PCDH20: variants seen among roughly 807,000 people sequenced by gnomAD.
PCDH20 encodes the protein protocadherin 20.
In PCDH20, 18 loss-of-function variants were observed where a neutral mutation model predicts 39.7. The observed-to-expected ratio is 0.45, with a 90% confidence interval of 0.31 to 0.67. The LOEUF is 0.67. Ranked by LOEUF, PCDH20 falls within the 30% of genes least tolerant of loss-of-function variation. The probability of loss-of-function intolerance (pLI) is 0.05; values close to 1 mark genes in which losing one functional copy is unlikely to be tolerated. For missense variants in PCDH20, 1,161 were observed against 1,167.4 expected (o/e 0.99, Z 0.08); for synonymous variants, 495 against 455.4 (o/e 1.09, Z -1.11).
intron 1 of PCDH20, 23 bp downstream of exon 1, chr13:61,415,004 G>A: frequency 1.4e-6 from 2 of 1,398,228 alleles, no homozygotes; most frequent in Non-Finnish European, 1.9e-6. Flanking sequence ...GGGGTCGCGG[G>A]GTTCCTTGAC....
Position 61,413,976 on chromosome 13 carries a change from G to C in PCDH20, c.133-10C>G. 2.5e-6 allele frequency: 4 copies of C among 1,594,114 alleles called. No individual in the cohort carries two copies. The highest frequency in any genetic ancestry group is 3.4e-6 in the Non-Finnish European group (4 of 1,166,514). On this transcript the variant is annotated splice_polypyrimidine_tract_variant and intron_variant, in intron 1 of 1. Transcript: ENST00000409204. The stretch of plus-strand genomic sequence containing the variant: ...AAAACAGAAACAGATGCTGGAGTTG[G>C]GGGAGGGAAGAAAGCTCATTACACA...
At chr13:61,415,283 A>G (rs867949394) in exon 1 of PCDH20, 1 of 1,179,036 alleles carries the variant, frequency 8.5e-7, no homozygotes, top group Non-Finnish European at 1.1e-6. Flanking sequence ...TAAGGACGGG[A>G]ACTCAAAGAG....
exon 2 of PCDH20, chr13:61,411,065 G>T (rs753108821): frequency 1.8e-3 from 940 of 519,498 alleles, no homozygotes; most frequent in Non-Finnish European, 1.9e-3. Flanking sequence ...TAAAAATGCT[G>T]TACACATTTT....
exon 2 of PCDH20, chr13:61,413,901 G>C: frequency 6.2e-7 from 1 of 1,613,610 alleles, no homozygotes; most frequent in Non-Finnish European, 8.5e-7. Context: ...ACAGAAGCTC[G>C]GTGGCCCGGC....
intron 1 of PCDH20, 126 bp downstream of exon 1, chr13:61,414,901 T>A: frequency 8.5e-7 from 1 of 1,175,770 alleles, no homozygotes; most frequent in Non-Finnish European, 1.1e-6. Context: ...TCCCTTTCCC[T>A]CCCGGCGCCA....
chr13:61,412,185 C>T, exon 2 of PCDH20: 1 of 1,614,162 alleles, frequency 6.2e-7, no homozygotes, highest in Non-Finnish European at 8.5e-7. Context: ...TGTTGATAAA[C>T]CGAGGACTGT....
chr13:61,411,535 C>G, exon 2 of PCDH20: 1 of 1,614,184 alleles, frequency 6.2e-7, no homozygotes, highest in Middle Eastern at 1.6e-4. Context: ...TCTTAAAAGA[C>G]TCTCAATGTA....
chr13:61,413,535 T>C lies in PCDH20; in HGVS notation c.564A>G (p.Glu188=), dbSNP rs1310788425. ...TCTTCACCTTCACAAACCTGAAGTA[T>C]TCCTGAGGCAGGACAAGCACATCCA... Residue 188 remains glutamate (E), a synonymous_variant, in exon 2 of 2, where the codon GAA becomes GAG. Coordinates refer to ENST00000409204, the Ensembl canonical transcript of PCDH20. 1.9e-6 allele frequency: 3 copies of C among 1,613,824 alleles called. 1 individual carries two copies. In the South Asian group the frequency reaches 3.3e-5, roughly 18 times the overall value.
rs555732920 is a variant in PCDH20 at position 61,412,917 on chromosome 13, G to A, written c.1182C>T (p.His394=). ...GTCCATTAGCAAGGATGGTGAGCTT[G>A]TGGGACTCCAGAACACTTCCTCCAA... is the stretch of plus-strand genomic sequence containing the variant. Residue 394 remains histidine (H), a synonymous_variant, in exon 2 of 2, where the codon CAC becomes CAT. Coordinates refer to ENST00000409204, the Ensembl canonical transcript of PCDH20. The A allele has an allele frequency of 8.7e-6, 14 of 1,614,186 alleles. No individual in the cohort carries two copies. In the South Asian group the frequency reaches 1.2e-4, roughly 14 times the overall value.
Position 61,415,218 on chromosome 13 carries a change from T to C in PCDH20, c.-60A>G, listed in dbSNP as rs940009823. The C allele has an allele frequency of 3.7e-5, 48 of 1,302,990 alleles. 2 individuals carry two copies. The South Asian group carries it at 9.4e-4, about 26-fold the overall frequency. The allele number at this position is 1,302,990 out of a possible 1,614,324, so 80.7% of individuals were successfully genotyped here. A position where few individuals can be genotyped will look rare whatever the true frequency, so the allele number is the denominator to read the frequency against. ...GGAGGGCGGCAGAAGACACTCCCTC[T>C]CGGTTCATGCAAATCGCTGGGGGAA... is the stretch of plus-strand genomic sequence containing the variant. On this transcript the variant is annotated 5_prime_UTR_variant, in exon 1 of 2. Coordinates refer to ENST00000409204, the Ensembl canonical transcript of PCDH20.
exon 2 of PCDH20, chr13:61,413,675 T>C (rs1433588776): frequency 1.2e-6 from 2 of 1,614,052 alleles, no homozygotes; most frequent in Non-Finnish European, 1.7e-6. Context: ...TGAGCTGAAG[T>C]GTGCAGCTCC....
exon 1 of PCDH20, chr13:61,415,307 A>G: frequency 1.1e-6 from 1 of 946,596 alleles, no homozygotes; most frequent in South Asian, 3.1e-5. Flanking sequence ...CAGAAAGGCA[A>G]GAGGGCAGAA....
chr13:61,411,429 T>A, exon 2 of PCDH20: 1 of 1,614,140 alleles, frequency 6.2e-7, no homozygotes, highest in South Asian at 1.1e-5. Flanking sequence ...ACAGAGCTAC[T>A]AAGGTGGGCA....
upstream of PCDH20, chr13:61,415,832 A>G (rs149446764): frequency 4.7e-3 from 715 of 152,340 alleles, 2 homozygotes; most frequent in Non-Finnish European, 8.1e-3. Flanking sequence ...TTGGAGGCTC[A>G]AATGTCTCTG....
At chr13:61,413,005 T>G in exon 2 of PCDH20, 1 of 1,614,192 alleles carries the variant, frequency 6.2e-7, no homozygotes, top group Non-Finnish European at 8.5e-7. Flanking sequence ...CTTAGATGCT[T>G]GTGGAACTTT....
exon 2 of PCDH20, chr13:61,412,633 A>G: frequency 3.1e-6 from 5 of 1,614,154 alleles, no homozygotes; most frequent in Non-Finnish European, 2.5e-6. Flanking sequence ...TGTGGTCTCT[A>G]GTAAATATTC....
At chr13:61,413,517 C>T (rs1390319031) in exon 2 of PCDH20, 2 of 1,614,024 alleles carry the variant, frequency 1.2e-6, no homozygotes, top group East Asian at 2.2e-5. Context: ...CGATCTTCAC[C>T]TTCACAAACC....
exon 2 of PCDH20, chr13:61,413,756 G>T: frequency 6.2e-7 from 1 of 1,613,852 alleles, no homozygotes; most frequent in Non-Finnish European, 8.5e-7. Flanking sequence ...GAGAGAGGGG[G>T]GTTCCACTCA....
At chr13:61,412,215 T>G (rs771098462) in exon 2 of PCDH20, 6 of 1,613,992 alleles carry the variant, frequency 3.7e-6, no homozygotes, top group Non-Finnish European at 5.1e-6. Flanking sequence ...TATCCAACAC[T>G]GTGAGGGCCA....
Sources: gnomAD v4.1 joint callset for allele counts on GRCh38, gnomAD v4.1.1 for gene constraint, MANE v1.5 for transcripts, NCBI Gene and HGNC (gene_info 2026-07-23, HGNC 2026-07-21) for gene names.